FYB2: variants seen among roughly 807,000 people sequenced by gnomAD.
FYB2 encodes the protein FYN-binding protein 2.
In FYB2, 103 loss-of-function variants were observed where a neutral mutation model predicts 94.1. The observed-to-expected ratio is 1.09, with a 90% CI of 0.93 to 1.29. The LOEUF is 1.29. Among genes scored for constraint, FYB2 ranks in the 50% most tolerant of loss-of-function variants. The probability of loss-of-function intolerance (pLI) is 0.00; values close to 1 mark genes in which losing one functional copy is unlikely to be tolerated. For missense variants in FYB2, 896 were observed against 841.5 expected (o/e 1.06, Z -0.80); for synonymous variants, 293 against 287.9 (o/e 1.02, Z -0.18).
At chr1:56,750,495 G>T (rs1485014181) in intron 9 of FYB2, among the ~76,000 whole-genome samples, 1 of 151,912 alleles carries the variant, frequency 6.6e-6, no homozygotes, top group African/African-American at 2.4e-5. Context: ...TCTGCTAGGT[G>T]AACCTCCTTT....
intron 1 of FYB2, among the ~76,000 whole-genome samples, chr1:56,805,364 G>A (rs7531769): frequency 0.22 from 33,469 of 152,110 alleles, 4,054 homozygotes; most frequent in Non-Finnish European, 0.27. Context: ...GGGAAAAATT[G>A]GGAGTAATTC....
intron 1 of FYB2, among the ~76,000 whole-genome samples, chr1:56,807,038 A>G (rs1646663393): frequency 6.6e-6 from 1 of 152,140 alleles, no homozygotes; most frequent in Non-Finnish European, 1.5e-5. Flanking sequence ...TCAGCATTGC[A>G]ACTTGGGCCT....
At chr1:56,774,071 AT>A (rs1315560128) in intron 4 of FYB2, among the ~76,000 whole-genome samples, 27 of 152,270 alleles carry the variant, frequency 1.8e-4, no homozygotes, top group African/African-American at 6.5e-4. Context: ...CTCAAAATTC[AT>A]TTGTGCCAGG....
rs758580284 is a variant in FYB2, at chr1:56,753,824, G to T, written c.1227+15C>A. 22 of 1,565,500 alleles carry T rather than the reference G, an allele frequency of 1.4e-5. 1 individual carries two copies. The South Asian group carries it at 2.0e-4, about 14-fold the overall frequency. ...GTTATATGTCTAAACTGCAGGAACC[G>T]TAGAACATAGGTACCTTGAAAACAT... On this transcript the variant is annotated intron_variant, in intron 8 of 19. Coordinates refer to ENST00000343433, the MANE Select transcript of FYB2 (RefSeq NM_001004303.5).
At chr1:56,741,010 T>C (rs899306773) in intron 12 of FYB2, among the ~76,000 whole-genome samples, 1 of 152,006 alleles carries the variant, frequency 6.6e-6, no homozygotes, top group Non-Finnish European at 1.5e-5. Flanking sequence ...AGTTCCCTAT[T>C]GGGTAAATGT....
chr1:56,752,582 T>C (rs1450864630), intron 8 of FYB2, among the ~76,000 whole-genome samples: 1 of 152,076 alleles, frequency 6.6e-6, no homozygotes, highest in East Asian at 1.9e-4. Flanking sequence ...GAATTAAATG[T>C]ATAAATGGGG....
intron 4 of FYB2, among the ~76,000 whole-genome samples, chr1:56,781,297 G>C (rs1447409912): frequency 6.6e-6 from 1 of 152,122 alleles, no homozygotes; most frequent in African/African-American, 2.4e-5. Context: ...TATCAACAAT[G>C]ATGGGAACAG....
chr1:56,818,557 A>G (rs1646939208), intron 1 of FYB2, among the ~76,000 whole-genome samples: 1 of 151,998 alleles, frequency 6.6e-6, no homozygotes. Context: ...AGGAGAGTGG[A>G]GAATTGGAGA....
At chr1:56,791,376 T>A (rs2100968629) in intron 2 of FYB2, among the ~76,000 whole-genome samples, 1 of 152,074 alleles carries the variant, frequency 6.6e-6, no homozygotes, top group South Asian at 2.1e-4. Flanking sequence ...GTGTCTCAGC[T>A]TCCCGAGTAG....
chr1:56,782,897 AGC>A (rs1646040930), intron 4 of FYB2, among the ~76,000 whole-genome samples: 2 of 152,168 alleles, frequency 1.3e-5, no homozygotes, highest in Non-Finnish European at 2.9e-5. Flanking sequence ...CCATATTTAT[AGC>A]TAATGAATAA....
chr1:56,819,157 A>AT, intron 1 of FYB2, 125 bp downstream of exon 1: 7 of 1,161,310 alleles, frequency 6.0e-6, no homozygotes, highest in Non-Finnish European at 8.6e-6. Context: ...GACACCTGAC[A>AT]TGTTTATTCC....
intron 6 of FYB2, among the ~76,000 whole-genome samples, chr1:56,757,687 C>CTTCCTTCTTTTTTTTTTCT (rs1293394860): frequency 7.4e-4 from 53 of 71,956 alleles, no homozygotes; most frequent in Non-Finnish European, 1.1e-3. Flanking sequence ...TCCTTCCTTC[C>CTTCCTTCTTTTTTTTTTCT]TTCTTTCTTT....
At chr1:56,803,780 C>T (rs1189645207) in intron 1 of FYB2, among the ~76,000 whole-genome samples, 1 of 152,168 alleles carries the variant, frequency 6.6e-6, no homozygotes, top group African/African-American at 2.4e-5. Flanking sequence ...TTCCTGCATC[C>T]CATCACAGCC....
intron 4 of FYB2, among the ~76,000 whole-genome samples, chr1:56,781,542 G>A (rs1398841849): frequency 1.3e-5 from 2 of 152,198 alleles, no homozygotes; most frequent in Non-Finnish European, 2.9e-5. Context: ...ATGAAATCAT[G>A]TATAAAGTAC....
chr1:56,745,596 C>T (rs1397111785), intron 9 of FYB2, among the ~76,000 whole-genome samples: 1 of 151,988 alleles, frequency 6.6e-6, no homozygotes, highest in African/African-American at 2.4e-5. Flanking sequence ...TATCCTCCTC[C>T]AAGCTACCAC....
chr1:56,811,025 A>C (rs1188071375), intron 1 of FYB2, among the ~76,000 whole-genome samples: 5 of 152,214 alleles, frequency 3.3e-5, no homozygotes, highest in Non-Finnish European at 5.9e-5. Context: ...CAGCAACAGC[A>C]GCAAGAGCTA....
intron 1 of FYB2, among the ~76,000 whole-genome samples, chr1:56,805,219 A>G (rs1194803061): frequency 1.3e-5 from 2 of 152,174 alleles, no homozygotes; most frequent in African/African-American, 4.8e-5. Context: ...GCACATGTAG[A>G]TCAGATTTTC....
At chr1:56,786,436 T>C (rs1646134336) in intron 4 of FYB2, among the ~76,000 whole-genome samples, 1 of 152,238 alleles carries the variant, frequency 6.6e-6, no homozygotes, top group African/African-American at 2.4e-5. Context: ...TTTACCATTG[T>C]AAACATTTGA....
chr1:56,737,948 A>G (rs888524978), intron 14 of FYB2, among the ~76,000 whole-genome samples: 17 of 152,106 alleles, frequency 1.1e-4, no homozygotes, highest in African/African-American at 3.9e-4. Context: ...CAGCAAACTC[A>G]TATTTATGAA....
Sources: gnomAD v4.1 joint callset for allele counts (sites outside exome capture counted in the v4.1 genomes callset) on GRCh38, gnomAD v4.1.1 for gene constraint, MANE v1.5 for transcripts, NCBI Gene and HGNC (gene_info 2026-07-23, HGNC 2026-07-21) for gene names.